The following TRIO variants were observed in gnomAD, a reference collection of about 807,000 sequenced individuals.
TRIO encodes the protein triple functional domain protein.
TRIO carries 58 observed loss-of-function variants against 351.9 expected under a neutral mutation model. The observed-to-expected ratio is 0.16, with a 90% CI of 0.13 to 0.21. The LOEUF is 0.21. Ranked by LOEUF, TRIO falls within the 10% of genes least tolerant of loss-of-function variation. The pLI is 1.00. For missense variants in TRIO, 3,201 were observed against 4,027.8 expected, an observed-to-expected ratio of 0.79 and a Z score of 5.56; for synonymous variants, 1,758 against 1,595.7, an observed-to-expected ratio of 1.10 and a Z score of -2.42.
At chr5:14,307,803 C>G (rs1738510254) in intron 8 of TRIO, among the ~76,000 whole-genome samples, 1 of 152,210 alleles carries the variant, frequency 6.6e-6, no homozygotes, top group Non-Finnish European at 1.5e-5. Flanking sequence ...ATGATGATCA[C>G]CTATTTCCAT....
At chr5:14,327,886 C>T (rs1054420407) in intron 9 of TRIO, among the ~76,000 whole-genome samples, 4 of 152,176 alleles carry the variant, frequency 2.6e-5, no homozygotes, top group Non-Finnish European at 4.4e-5. Flanking sequence ...ATTTCTTTAG[C>T]CGTGGAATGG....
chr5:14,220,958 T>G (rs1207798426), intron 1 of TRIO, among the ~76,000 whole-genome samples: 1 of 152,226 alleles, frequency 6.6e-6, no homozygotes, highest in Non-Finnish European at 1.5e-5. Flanking sequence ...CATCTAGGAC[T>G]TTCACAGCTA....
chr5:14,405,275 C>T (rs963321299), intron 31 of TRIO, among the ~76,000 whole-genome samples: 3 of 152,174 alleles, frequency 2.0e-5, no homozygotes, highest in African/African-American at 7.2e-5. Flanking sequence ...CTTCTGTCCA[C>T]ACCTCAGTTG....
Position 14,388,688 on chromosome 5 carries a change from G to GTTTTTTTTTTTTTTTTT in TRIO, c.3948+11_3948+27dup. The GTTTTTTTTTTTTTTTTT allele has an allele frequency of 6.9e-7, 1 of 1,440,390 alleles. No individual in the cohort carries two copies. The highest frequency in any genetic ancestry group is 2.4e-5 in the East Asian group (1 of 41,830). The allele number at this position is 1,440,390 out of a possible 1,614,324, so 89.2% of individuals were successfully genotyped here. On this transcript the variant is annotated intron_variant, in intron 24 of 56. Transcript: ENST00000344204. ...TCCGGGAATGTATGGATGTAAGTAA[G>GTTTTTTTTTTTTTTTTT]TTTTTTTTTTTTTTTTTTGCTTGTT...
chr5:14,316,383 A>T (rs956120971), intron 8 of TRIO, 130 bp from the exon 9 acceptor site: 2 of 839,824 alleles, frequency 2.4e-6, no homozygotes, highest in African/African-American at 3.4e-5. Context: ...ATGTCTGGGC[A>T]TGTGTGTAAT....
At chr5:14,269,726 C>T (rs1431421927) in intron 1 of TRIO, among the ~76,000 whole-genome samples, 1 of 152,188 alleles carries the variant, frequency 6.6e-6, no homozygotes, top group East Asian at 1.9e-4. Flanking sequence ...CTCAGGACAC[C>T]AAAAGTGAAA....
At chr5:14,299,378 G>T (rs1029787783) in intron 7 of TRIO, among the ~76,000 whole-genome samples, 20 of 152,172 alleles carry the variant, frequency 1.3e-4, no homozygotes, top group Non-Finnish European at 7.3e-5. Flanking sequence ...TAGGAGTGAA[G>T]GGACAGTAGC....
chr5:14,288,845 T>C (rs1271858552), intron 4 of TRIO, among the ~76,000 whole-genome samples: 2 of 152,208 alleles, frequency 1.3e-5, no homozygotes, highest in Non-Finnish European at 2.9e-5. Context: ...GTCACAACTC[T>C]TTCTCCTTCA....
chr5:14,444,191 A>C (rs1454351721), intron 34 of TRIO, among the ~76,000 whole-genome samples: 1 of 152,200 alleles, frequency 6.6e-6, no homozygotes, highest in Admixed American at 6.5e-5. Context: ...TAGGATAAAG[A>C]AATTTCTTTG....
rs967937365 is a variant in TRIO at position 14,157,545 on chromosome 5, G to GTCTC, written c.157+13674_157+13677dup. On this transcript the variant is annotated intron_variant, in intron 1 of 56. Transcript: ENST00000344204. ...TCTCCCTGTCTCCCTCTCTCTCCCT[G>GTCTC]TCTCTCTCTCTCTCCCTGTCTCTCT... is the stretch of plus-strand genomic sequence containing the variant. 1.7e-5 allele frequency among the ~76,000 whole-genome samples: 2 copies of GTCTC among 115,618 alleles called. 1 individual carries two copies. The highest frequency in any genetic ancestry group is 6.8e-5 in the African/African-American group (2 of 29,484). 75.8% of individuals were successfully genotyped at this position (115,618 alleles called of 152,430 possible). A position where few individuals can be genotyped will look rare whatever the true frequency, so the allele number is the denominator to read the frequency against.
In TRIO at chr5:14,366,795, C is replaced by T. The variant is rs115121042; in HGVS notation, c.2755-65C>T. The T allele has an allele frequency of 0.013, 20,922 of 1,606,238 alleles. 163 individuals are homozygous for T. The highest frequency in any genetic ancestry group is 0.016 in the Non-Finnish European group (18,334 of 1,175,434). ...ACTATCTTGCACGCTTGTATCTCAC[C>T]CCTGGTGGTCCACAGGATTCTCTGG... On this transcript the variant is annotated intron_variant, in intron 15 of 56. Coordinates refer to ENST00000344204, the MANE Select transcript of TRIO (RefSeq NM_007118.4).
chr5:14,437,394 G>T (rs1010666495), intron 34 of TRIO, among the ~76,000 whole-genome samples: 13 of 152,056 alleles, frequency 8.5e-5, no homozygotes, highest in Non-Finnish European at 1.8e-4. Flanking sequence ...TGTTCAGCTG[G>T]GTTCATTGGT....
At chr5:14,395,451 C>T (rs770428107) in intron 28 of TRIO, among the ~76,000 whole-genome samples, 11 of 152,224 alleles carry the variant, frequency 7.2e-5, no homozygotes, top group South Asian at 2.1e-4. Context: ...TTGTAAACCT[C>T]GCCTTACTCT....
chr5:14,290,290 G>A (rs1392177066), intron 4 of TRIO, among the ~76,000 whole-genome samples: 1 of 152,184 alleles, frequency 6.6e-6, no homozygotes, highest in Non-Finnish European at 1.5e-5. Flanking sequence ...CCTCCACAGA[G>A]TTTCTGGCAT....
rs920878320 is a variant in TRIO, at chr5:14,207,928, T to G, written c.158-62897T>G. Among the ~76,000 whole-genome samples, 12 of 152,242 alleles carry G rather than the reference T, an allele frequency of 7.9e-5. No individual in the cohort carries two copies. The South Asian group carries it at 8.3e-4, about 11-fold the overall frequency. On this transcript the variant is annotated intron_variant, in intron 1 of 56. Transcript: ENST00000344204. ...CACATCAGAAGATGTTCAATATCAT[T>G]AGTCACTAGGAAAATACAAATTTAA...
chr5:14,353,270 C>CTT (rs35179690), intron 11 of TRIO, among the ~76,000 whole-genome samples: 39 of 117,302 alleles, frequency 3.3e-4, no homozygotes, highest in Admixed American at 5.5e-4. Flanking sequence ...TTCTAAGCAA[C>CTT]TTTTTTTTTT....
At chr5:14,277,649 C>A (rs543775095) in intron 2 of TRIO, among the ~76,000 whole-genome samples, 1 of 152,182 alleles carries the variant, frequency 6.6e-6, no homozygotes, top group East Asian at 1.9e-4. Flanking sequence ...GGAACAGGAA[C>A]AGAACTTTGC....
At chr5:14,490,921 A>G (rs955211297) in intron 48 of TRIO, 17 of 452,630 alleles carry the variant, frequency 3.8e-5, no homozygotes, top group Admixed American at 1.2e-4. Context: ...TGCTAAAAGT[A>G]TAATGCATAA....
chr5:14,460,184 G>C (rs756265647), intron 34 of TRIO, among the ~76,000 whole-genome samples: 71 of 152,186 alleles, frequency 4.7e-4, no homozygotes, highest in Non-Finnish European at 9.0e-4. Flanking sequence ...CCAAAGTGCT[G>C]GGATTACAGG....
Sources: allele counts gnomAD v4.1 joint callset (sites outside exome capture counted in the v4.1 genomes callset), GRCh38; gene constraint gnomAD v4.1.1; transcripts MANE v1.5; gene names NCBI Gene and HGNC (gene_info 2026-07-23, HGNC 2026-07-21).